Variants in PPP2R3B observed in about 807,000 individuals in gnomAD.
PPP2R3B encodes the protein serine/threonine-protein phosphatase 2A regulatory subunit B'' subunit beta.
A neutral mutation model predicts 72.9 loss-of-function variants in PPP2R3B; 68 were observed. That is an observed-to-expected ratio of 0.93 (90% confidence interval 0.77 to 1.14). The LOEUF (loss-of-function observed/expected upper bound fraction) is 1.14. PPP2R3B is among the 50% of genes most tolerant of loss of function. The pLI, the probability that PPP2R3B is intolerant of heterozygous loss-of-function variation, is 0.00. For missense variants in PPP2R3B, 1,018 were observed against 842.0 expected, an observed-to-expected ratio of 1.21 and a Z score of -2.59; for synonymous variants, 466 against 375.8, an observed-to-expected ratio of 1.24 and a Z score of -2.78.
chrX:362,904 C>T (rs1435044812), intron 1 of PPP2R3B, among the ~76,000 whole-genome samples: 11 of 151,014 alleles, frequency 7.3e-5, no homozygotes, highest in Non-Finnish European at 1.2e-4. Context: ...GGTCCCACAG[C>T]GCCCCAACTG....
intron 1 of PPP2R3B, among the ~76,000 whole-genome samples, chrX:381,740 A>C (rs1304388267): frequency 1.3e-5 from 2 of 151,554 alleles, no homozygotes; most frequent in Non-Finnish European, 2.9e-5. Flanking sequence ...CTGGGACTAC[A>C]GGCACCCGCC....
At chrX:359,509 A>G (rs898016390) in intron 2 of PPP2R3B, among the ~76,000 whole-genome samples, 1 of 152,216 alleles carries the variant, frequency 6.6e-6, no homozygotes, top group Admixed American at 6.5e-5. Flanking sequence ...TTCATTCACT[A>G]CATGTTTGCA....
rs201365421 is a variant in PPP2R3B, at chrX:338,770, G to A, written c.1470+8C>T. The A allele has an allele frequency of 1.1e-4, 180 of 1,612,148 alleles. No homozygotes were observed. The highest frequency in any genetic ancestry group is 2.6e-4 in the South Asian group (24 of 91,080). On this transcript the variant is annotated splice_region_variant and intron_variant, in intron 11 of 12. Transcript: ENST00000390665. The stretch of plus-strand genomic sequence containing the variant: ...GCGCGGCCCGGCCCGCGTGCCCGCC[G>A]CACTCACCCTGAGCAGGGAGATCTG...
chrX:368,781 C>A (rs1206240790), intron 1 of PPP2R3B, among the ~76,000 whole-genome samples: 1 of 94,534 alleles, frequency 1.1e-5, no homozygotes, highest in Non-Finnish European at 2.1e-5. Flanking sequence ...TGGGCACCGA[C>A]ACGGGGAAGG....
chrX:340,833 G>T lies in PPP2R3B; in HGVS notation c.1283C>A (p.Ala428Asp). The change falls in exon 10 of 13, where the codon GCC becomes GAC. Residue 428 changes from alanine (A) to aspartate (D), a missense_variant. Transcript: ENST00000390665. The stretch of plus-strand genomic sequence containing the variant: ...GTCCTGGAAGGGCAGGGCCTCGATG[G>T]CCATGCTGTCCAGCCTTCGGCACTG... Reference protein sequence around the residue: ...EEQCRRLDSMAIEALPFQDCL... With the variant: ...EEQCRRLDSMDIEALPFQDCL... 6.2e-7 allele frequency: 1 copy of T among 1,611,420 alleles called. No homozygotes were observed. Among genetic ancestry groups the T allele is most frequent in the Non-Finnish European group, 8.5e-7 (1 of 1,179,606 alleles).
intron 1 of PPP2R3B, among the ~76,000 whole-genome samples, chrX:370,760 T>C (rs929534372): frequency 1.3e-5 from 2 of 152,076 alleles, no homozygotes; most frequent in African/African-American, 4.8e-5. Flanking sequence ...CCACTGGCCT[T>C]GGGAGGGGAA....
Position 386,436 on chromosome X carries a change from C to A in PPP2R3B, c.256G>T (p.Gly86Cys). The A allele has an allele frequency of 7.6e-7, 1 of 1,317,760 alleles. No individual in the cohort carries two copies. Among genetic ancestry groups the A allele is most frequent in the Non-Finnish European group, 9.7e-7 (1 of 1,029,192 alleles). The allele number at this position is 1,317,760 out of a possible 1,614,324, so 81.6% of individuals were successfully genotyped here. A position where few individuals can be genotyped will look rare whatever the true frequency, so the allele number is the denominator to read the frequency against. ...GCGTTCCTGGGGCTGGAGGCGGCGCCCAGGGGCAGCGCAGGGCCCGGCCCG... is the reference window on the plus strand; with the variant it reads ...GCGTTCCTGGGGCTGGAGGCGGCGCACAGGGGCAGCGCAGGGCCCGGCCCG... ...TPGPGPALPLGAASSPRNAPH... is the reference protein window; with the variant it reads ...TPGPGPALPLCAASSPRNAPH... Residue 86 changes from glycine to cysteine, a missense_variant, in exon 1 of 13, where the codon GGC becomes TGC. By Grantham distance (159) the Gly-to-Cys change is radical. Coordinates refer to ENST00000390665, the MANE Select transcript of PPP2R3B (RefSeq NM_013239.5).
At chrX:362,014 T>C (rs1314683364) in intron 1 of PPP2R3B, among the ~76,000 whole-genome samples, 1 of 152,068 alleles carries the variant, frequency 6.6e-6, no homozygotes, top group African/African-American at 2.4e-5. Flanking sequence ...AGCTCAGACG[T>C]GGAGAGGCAC....
chrX:377,016 ACACC>A (rs1274160233), intron 1 of PPP2R3B, among the ~76,000 whole-genome samples: 1 of 84,550 alleles, frequency 1.2e-5, no homozygotes, highest in African/African-American at 6.0e-5. Flanking sequence ...CGGGCCGTCC[ACACC>A]CAGTGGGGCC....
chrX:383,976 A>G (rs1320523414), intron 1 of PPP2R3B, among the ~76,000 whole-genome samples: 1 of 152,066 alleles, frequency 6.6e-6, no homozygotes, highest in Non-Finnish European at 1.5e-5. Flanking sequence ...CCAACCAGCA[A>G]AAAGGTTAAA....
At chrX:356,106 A>T (rs2071428799) in intron 2 of PPP2R3B, among the ~76,000 whole-genome samples, 1 of 152,184 alleles carries the variant, frequency 6.6e-6, no homozygotes, top group Admixed American at 6.5e-5. Flanking sequence ...GGACGCCTGC[A>T]CACGCACAGA....
intron 1 of PPP2R3B, chrX:373,708 G>C (rs1271621126): frequency 6.6e-6 from 1 of 150,806 alleles, no homozygotes; most frequent in Admixed American, 6.8e-5. Flanking sequence ...CCGCGCTCTC[G>C]GGGCAGGGCC....
At chrX:370,111 A>G (rs1261095402) in intron 1 of PPP2R3B, among the ~76,000 whole-genome samples, 2 of 152,148 alleles carry the variant, frequency 1.3e-5, no homozygotes, top group East Asian at 3.9e-4. Flanking sequence ...CGCACGCTGG[A>G]CGGCTAAACA....
At position 372,085 on chromosome X, in the gene PPP2R3B, G is replaced by A. The variant is rs1264808792; in HGVS notation, c.325-10495C>T. Among the ~76,000 whole-genome samples, 4 of 152,232 alleles carry A rather than the reference G, an allele frequency of 2.6e-5. No individual in the cohort carries two copies. The East Asian group carries it at 7.7e-4, about 29-fold the overall frequency. On this transcript the variant is annotated intron_variant, in intron 1 of 12. Transcript: ENST00000390665. The stretch of plus-strand genomic sequence containing the variant: ...AGGGCTTCCTCATCCAGCCACGTGC[G>A]AGCTAATCACCTCATTGACTCTGCG...
At chrX:354,471 G>A (rs996705269) in intron 2 of PPP2R3B, among the ~76,000 whole-genome samples, 21 of 152,242 alleles carry the variant, frequency 1.4e-4, no homozygotes, top group Non-Finnish European at 8.8e-5. Context: ...AGGACCAAAG[G>A]AAAACCTCAC....
intron 4 of PPP2R3B, 82 bp from the exon 5 acceptor site, chrX:346,857 A>C: frequency 7.7e-7 from 1 of 1,296,008 alleles, no homozygotes; most frequent in East Asian, 2.5e-5. Context: ...GCAGACGCGG[A>C]CCCTCCCGTG....
intron 1 of PPP2R3B, among the ~76,000 whole-genome samples, chrX:369,141 G>A (rs1326062164): frequency 1.3e-5 from 2 of 152,276 alleles, no homozygotes; most frequent in Admixed American, 1.3e-4. Context: ...CTGCTGCCCT[G>A]CCCCAAACGT....
Position 334,365 on chromosome X carries a change from C to CG in PPP2R3B, c.*1dup. 6.7e-7 allele frequency: 1 copy of CG among 1,496,256 alleles called. No homozygotes were observed. The highest frequency in any genetic ancestry group is 1.3e-5 in the South Asian group (1 of 78,286). 92.7% of individuals were successfully genotyped at this position (1,496,256 alleles called of 1,614,324 possible). ...CCCGCGGCGGCGTTCTCGCGGGCGGCGTCACAGCGGCTCCAGGTCCTCGTC... is the reference window on the plus strand; with the variant it reads ...CCCGCGGCGGCGTTCTCGCGGGCGGCGGTCACAGCGGCTCCAGGTCCTCGTC... On this transcript the variant is annotated 3_prime_UTR_variant, in exon 13 of 13. Transcript: ENST00000390665.
intron 2 of PPP2R3B, among the ~76,000 whole-genome samples, chrX:358,761 C>G (rs1411504588): frequency 1.3e-5 from 2 of 151,748 alleles, no homozygotes; most frequent in African/African-American, 4.8e-5. Flanking sequence ...CACATGAGAA[C>G]CAGGCGCCGA....
Sources: allele counts gnomAD v4.1 joint callset (sites outside exome capture counted in the v4.1 genomes callset), GRCh38; gene constraint gnomAD v4.1.1; transcripts MANE v1.5; gene names NCBI Gene and HGNC (gene_info 2026-07-23, HGNC 2026-07-21).